Variants in ARHGEF10 observed in about 807,000 individuals in gnomAD.
ARHGEF10 encodes Rho guanine nucleotide exchange factor 10.
ARHGEF10 carries 140 observed loss-of-function variants against 147.4 expected under a neutral mutation model. The observed-to-expected ratio is 0.95, with a 90% CI of 0.83 to 1.09. The LOEUF (loss-of-function observed/expected upper bound fraction) is 1.09, where lower values mean the gene tolerates loss of function less well. Among genes scored for constraint, ARHGEF10 ranks in the 50% least tolerant of loss-of-function variants. The pLI, the probability that ARHGEF10 is intolerant of heterozygous loss-of-function variation, is 0.00. For missense variants in ARHGEF10, 2,222 were observed against 1,752.7 expected (o/e 1.27, Z -4.78); for synonymous variants, 902 against 695.8 (o/e 1.30, Z -4.67).
Position 1,903,322 on chromosome 8 carries a change from G to T in ARHGEF10, c.1692G>T (p.Leu564=), listed in dbSNP as rs767930655. The T allele has an allele frequency of 2.5e-6, 4 of 1,614,038 alleles. No individual in the cohort carries two copies. The highest frequency in any genetic ancestry group is 1.3e-5 in the African/African-American group (1 of 74,938). Residue 564 remains leucine (L), a synonymous_variant, in exon 16 of 29, where the codon CTG becomes CTT. Transcript: ENST00000349830. ...CCTCCAAAGGCCACCCCGACAGGCT[G>T]CCTCTTCAGATGGCCCTGACAGAGC... ...KNTSKGHPDR[L]PLQMALTELE...
chr8:1,831,610 C>G (rs1803115678), intron 1 of ARHGEF10, among the ~76,000 whole-genome samples: 1 of 149,266 alleles, frequency 6.7e-6, no homozygotes, highest in African/African-American at 2.5e-5. Flanking sequence ...ACAGTGGCAG[C>G]CGTGGAGGGG....
rs768362270 is a variant in ARHGEF10 at position 1,885,588 on chromosome 8, CT to C, written c.1076-4del. The C allele has an allele frequency of 3.5e-4, 535 of 1,550,240 alleles. No homozygotes were observed. Among genetic ancestry groups the C allele is most frequent in the African/African-American group, 6.8e-4 (50 of 73,230 alleles). On this transcript the variant is annotated splice_polypyrimidine_tract_variant and intron_variant, in intron 10 of 28. Transcript: ENST00000349830. ...TGAATGTAAAATTCATGCATTTTGACTTTTTTTTTAAGATCACAGATCTTCT... is the reference window on the plus strand; with the variant it reads ...TGAATGTAAAATTCATGCATTTTGACTTTTTTTTAAGATCACAGATCTTCT...
At chr8:1,870,505 G>A (rs1052115677) in intron 7 of ARHGEF10, 2 of 152,150 alleles carry the variant, frequency 1.3e-5, no homozygotes, top group Admixed American at 6.5e-5. Flanking sequence ...AGCAAAGCTA[G>A]CCATAAATTC....
intron 1 of ARHGEF10, among the ~76,000 whole-genome samples, chr8:1,837,389 G>A (rs1384889313): frequency 6.6e-6 from 1 of 152,248 alleles, no homozygotes; most frequent in African/African-American, 2.4e-5. Context: ...ATAGAAAGGA[G>A]TAATGCCCAG....
Position 1,839,416 on chromosome 8 carries a change from G to C in ARHGEF10, c.-47-3937G>C, listed in dbSNP as rs1454470644. Among the ~76,000 whole-genome samples the C allele has an allele frequency of 3.5e-5, 5 of 143,642 alleles. 1 individual carries two copies. Among genetic ancestry groups the C allele is most frequent in the African/African-American group, 1.3e-4 (5 of 37,460 alleles). The allele number at this position is 143,642 out of a possible 152,430, so 94.2% of individuals were successfully genotyped here. On this transcript the variant is annotated intron_variant, in intron 1 of 28. Transcript: ENST00000349830. ...CTGTCTGCTGTGGGGACTGTCTGCT[G>C]TGGAAGCTGTCTGGTGTGGGGAGTG...
chr8:1,864,767 C>T (rs1163637149), intron 5 of ARHGEF10, among the ~76,000 whole-genome samples: 1 of 152,194 alleles, frequency 6.6e-6, no homozygotes, highest in Non-Finnish European at 1.5e-5. Flanking sequence ...GTAAAGCGTC[C>T]CCCGTGAAAC....
At chr8:1,845,628 A>G (rs1304825177) in intron 2 of ARHGEF10, among the ~76,000 whole-genome samples, 1 of 152,180 alleles carries the variant, frequency 6.6e-6, no homozygotes, top group Non-Finnish European at 1.5e-5. Context: ...GAAGGCGGAA[A>G]CACCGTTTTC....
chr8:1,943,609 T>G, intron 26 of ARHGEF10: 1 of 152,222 alleles, frequency 6.6e-6, no homozygotes, highest in East Asian at 1.9e-4. Flanking sequence ...ATAAAAACAC[T>G]TGGGATCTTT....
chr8:1,860,022 A>AC lies in ARHGEF10; in HGVS notation c.324dup (p.Val109ArgfsTer5). 6.2e-7 allele frequency: 1 copy of AC among 1,612,678 alleles called. No individual in the cohort carries two copies. The highest frequency in any genetic ancestry group is 1.1e-5 in the South Asian group (1 of 90,966). ...GCCATTCCAGGAGGACCAGCCGCCC[A>AC]CCCCCGTGCCCAGCGCTGAGGAGGA... On this transcript the variant is annotated frameshift_variant, in exon 4 of 29. Coordinates refer to ENST00000349830, the MANE Select transcript of ARHGEF10 (RefSeq NM_014629.4). LOFTEE classifies it high-confidence loss of function.
chr8:1,942,348 A>T (rs746220264), intron 26 of ARHGEF10, among the ~76,000 whole-genome samples: 1 of 151,642 alleles, frequency 6.6e-6, no homozygotes, highest in East Asian at 1.9e-4. Context: ...CCATAGGCAC[A>T]CGAGAAGATG....
At chr8:1,881,982 C>A (rs954163174) in intron 9 of ARHGEF10, among the ~76,000 whole-genome samples, 1 of 152,202 alleles carries the variant, frequency 6.6e-6, no homozygotes, top group Non-Finnish European at 1.5e-5. Flanking sequence ...GCCCCTGAGT[C>A]TAGGCAGCCG....
At chr8:1,868,906 G>C (rs1289440737) in intron 6 of ARHGEF10, among the ~76,000 whole-genome samples, 1 of 152,102 alleles carries the variant, frequency 6.6e-6, no homozygotes, top group East Asian at 1.9e-4. Flanking sequence ...CCTTCCTAGT[G>C]ACATTTTACA....
At chr8:1,924,958 C>G (rs1304719465) in intron 21 of ARHGEF10, among the ~76,000 whole-genome samples, 3 of 152,146 alleles carry the variant, frequency 2.0e-5, no homozygotes, top group Non-Finnish European at 2.9e-5. Flanking sequence ...TTTGGAAAAA[C>G]TGGAGAAAGA....
chr8:1,883,674 C>T (rs140670864), intron 10 of ARHGEF10, among the ~76,000 whole-genome samples: 89 of 152,194 alleles, frequency 5.8e-4, no homozygotes, highest in African/African-American at 1.1e-3. Flanking sequence ...GTGATGGAGA[C>T]GGGCAGGTGC....
chr8:1,862,332 A>G (rs62477521), intron 4 of ARHGEF10, among the ~76,000 whole-genome samples: 17,695 of 152,326 alleles, frequency 0.12, 1,120 homozygotes, highest in South Asian at 0.23. Flanking sequence ...TGGAGCTCCC[A>G]GCTGGCCAAA....
intron 23 of ARHGEF10, chr8:1,926,713 T>C (rs899779950): frequency 3.6e-6 from 2 of 561,546 alleles, no homozygotes; most frequent in Admixed American, 3.1e-5. Context: ...TAAAGTTGAG[T>C]CCAGAGACAA....
rs769344811 is a variant in ARHGEF10, at chr8:1,866,646, C to T, written c.622+44C>T. The stretch of plus-strand genomic sequence containing the variant: ...CACAGCCAGAATCCTCACCACGCTC[C>T]ACAGACGTCACTGCGGCGGGGCCGG... On this transcript the variant is annotated intron_variant, in intron 6 of 28. Transcript: ENST00000349830. 5.7e-6 allele frequency: 9 copies of T among 1,567,320 alleles called. No homozygotes were observed. In the East Asian group the frequency reaches 1.1e-4, roughly 19 times the overall value.
At chr8:1,848,866 T>C (rs947535470) in intron 2 of ARHGEF10, among the ~76,000 whole-genome samples, 22 of 152,236 alleles carry the variant, frequency 1.4e-4, no homozygotes, top group Admixed American at 6.5e-5. Flanking sequence ...ATTAGCAGTT[T>C]TTTTCCCTGA....
In ARHGEF10 at chr8:1,884,804, G is replaced by A. The variant is rs776816475; in HGVS notation, c.1076-797G>A. On this transcript the variant is annotated intron_variant, in intron 10 of 28. Coordinates refer to ENST00000349830, the MANE Select transcript of ARHGEF10 (RefSeq NM_014629.4). Reference sequence around the variant, plus strand: ...TTTAGAGACAGGGTCTCACTCTGTCGCCCAGGCTGGAGTGCAGTGGCACGA... The same window carrying A: ...TTTAGAGACAGGGTCTCACTCTGTCACCCAGGCTGGAGTGCAGTGGCACGA... 1.1e-3 allele frequency among the ~76,000 whole-genome samples: 166 copies of A among 152,194 alleles called. 1 individual carries two copies. The highest frequency in any genetic ancestry group is 6.0e-4 in the Non-Finnish European group (41 of 68,012).
Sources: gnomAD v4.1 joint callset for allele counts (sites outside exome capture counted in the v4.1 genomes callset) on GRCh38, gnomAD v4.1.1 for gene constraint, MANE v1.5 for transcripts, NCBI Gene and HGNC (gene_info 2026-07-23, HGNC 2026-07-21) for gene names.